The following GNB1 variants were observed in gnomAD, a reference collection of about 807,000 sequenced individuals.
GNB1 encodes guanine nucleotide-binding protein G(I)/G(S)/G(T) subunit beta-1.
Under a neutral mutation model 42.9 loss-of-function variants are expected in GNB1, and 2 were observed. The ratio of observed to expected loss-of-function variants is 0.05; its 90% CI spans 0.02 to 0.15. GNB1 has a LOEUF of 0.15. Ranked by LOEUF, GNB1 falls within the 10% of genes least tolerant of loss-of-function variation. GNB1 has a pLI of 1.00. For missense variants in GNB1, 193 were observed against 462.2 expected (o/e 0.42, Z 5.34); for synonymous variants, 183 against 174.7 (o/e 1.05, Z -0.38).
At chr1:1,859,796 G>C (rs1648518823) in intron 1 of GNB1, among the ~76,000 whole-genome samples, 1 of 151,478 alleles carries the variant, frequency 6.6e-6, no homozygotes, top group African/African-American at 2.4e-5. Flanking sequence ...AAATCAGGAG[G>C]TCAGGAGATC....
intron 2 of GNB1, among the ~76,000 whole-genome samples, chr1:1,828,201 A>G (rs574681947): frequency 1.3e-5 from 2 of 152,096 alleles, no homozygotes; most frequent in African/African-American, 4.8e-5. Flanking sequence ...TGTGCCTGTA[A>G]TCCCAGCTAC....
chr1:1,810,101 G>C (rs1252039891), intron 5 of GNB1, among the ~76,000 whole-genome samples: 1 of 151,956 alleles, frequency 6.6e-6, no homozygotes, highest in Non-Finnish European at 1.5e-5. Flanking sequence ...TTTTGAGATG[G>C]AGTCTCGCTC....
intron 1 of GNB1, among the ~76,000 whole-genome samples, chr1:1,866,703 C>A (rs1332799007): frequency 6.6e-6 from 1 of 151,764 alleles, no homozygotes; most frequent in Non-Finnish European, 1.5e-5. Flanking sequence ...GCCTGTAATC[C>A]CAGCACTTTG....
At chr1:1,876,457 AAGAG>A (rs901462030) in intron 1 of GNB1, among the ~76,000 whole-genome samples, 1 of 150,948 alleles carries the variant, frequency 6.6e-6, no homozygotes, top group East Asian at 1.9e-4. Flanking sequence ...AGCTAAGAAA[AAGAG>A]AGAGCAAGAG....
At chr1:1,880,361 G>A (rs1649773533) in intron 1 of GNB1, among the ~76,000 whole-genome samples, 1 of 152,124 alleles carries the variant, frequency 6.6e-6, no homozygotes, top group African/African-American at 2.4e-5. Flanking sequence ...AGCGCTTTGG[G>A]AGGCCGAGGC....
chr1:1,868,990 T>C (rs1282339138), intron 1 of GNB1, among the ~76,000 whole-genome samples: 2 of 150,326 alleles, frequency 1.3e-5, no homozygotes, highest in Non-Finnish European at 3.0e-5. Context: ...CAAGACCATC[T>C]TGGCTAACAA....
intron 7 of GNB1, among the ~76,000 whole-genome samples, chr1:1,798,981 G>A (rs1200261915): frequency 2.0e-5 from 3 of 151,338 alleles, no homozygotes; most frequent in Non-Finnish European, 2.9e-5. Context: ...GTGCGGTGGC[G>A]CGATCTCGGC....
At chr1:1,883,954 T>C (rs1432544554) in intron 1 of GNB1, among the ~76,000 whole-genome samples, 2 of 151,502 alleles carry the variant, frequency 1.3e-5, no homozygotes, top group Non-Finnish European at 2.9e-5. Context: ...CATCTAATTA[T>C]AAAGTGTCCG....
chr1:1,860,877 C>T lies in GNB1; in HGVS notation c.-95-21639G>A, dbSNP rs904828853. Reference sequence around the variant, plus strand: ...GGAACTGACACTTTGGGAGGCCGAGCCGGACAGATCGCTTGAGGTCAGGAG... The same window carrying T: ...GGAACTGACACTTTGGGAGGCCGAGTCGGACAGATCGCTTGAGGTCAGGAG... On this transcript the variant is annotated intron_variant, in intron 1 of 11. Transcript: ENST00000378609. 8.6e-5 allele frequency among the ~76,000 whole-genome samples: 13 copies of T among 152,022 alleles called. 1 individual carries two copies. The highest frequency in any genetic ancestry group is 2.6e-4 in the Admixed American group (4 of 15,232).
In GNB1 at chr1:1,785,798, C is replaced by A. The variant is rs1038617204; in HGVS notation, c.*1265G>T. On this transcript the variant is annotated 3_prime_UTR_variant, in exon 12 of 12. Coordinates refer to ENST00000378609, the MANE Select transcript of GNB1 (RefSeq NM_002074.5). ...AGAATCCAACAGCAGTCGTTTGCAACAGAACTTTTTTTTTTTTAAAGAAAT... is the reference window on the plus strand; with the variant it reads ...AGAATCCAACAGCAGTCGTTTGCAAAAGAACTTTTTTTTTTTTAAAGAAAT... 2.9e-6 allele frequency: 1 copy of A among 346,694 alleles called. No homozygotes were observed. The highest frequency in any genetic ancestry group is 2.1e-5 in the African/African-American group (1 of 47,074). 21.5% of individuals were successfully genotyped at this position (346,694 alleles called of 1,614,324 possible).
At chr1:1,837,328 C>T (rs971565962) in intron 2 of GNB1, among the ~76,000 whole-genome samples, 1 of 149,864 alleles carries the variant, frequency 6.7e-6, no homozygotes, top group Non-Finnish European at 1.5e-5. Context: ...GATCTTGGCT[C>T]ACTGCAAGCT....
At chr1:1,885,868 TAAAA>T (rs79504690) in intron 1 of GNB1, among the ~76,000 whole-genome samples, 2 of 130,274 alleles carry the variant, frequency 1.5e-5, no homozygotes, top group African/African-American at 5.7e-5. Context: ...CACTTAATCT[TAAAA>T]AAAAAAAAAA....
rs574615356 is a variant in GNB1, at chr1:1,862,864, G to C, written c.-95-23626C>G. ...TTACACGTAGGCATCACACCTTGGA[G>C]ACTCTTAGAAAACACCACGGAGGAG... On this transcript the variant is annotated intron_variant, in intron 1 of 11. Transcript: ENST00000378609. 2.6e-5 allele frequency among the ~76,000 whole-genome samples: 4 copies of C among 152,304 alleles called. No homozygotes were observed. In the East Asian group the frequency reaches 7.7e-4, roughly 29 times the overall value.
At chr1:1,803,059 C>T (rs1160882782) in intron 7 of GNB1, among the ~76,000 whole-genome samples, 1 of 152,230 alleles carries the variant, frequency 6.6e-6, no homozygotes, top group Admixed American at 6.5e-5. Context: ...TGGGTGTCAA[C>T]TGTAGTACTA....
At chr1:1,792,667 T>G (rs979059453) in intron 8 of GNB1, among the ~76,000 whole-genome samples, 1 of 137,204 alleles carries the variant, frequency 7.3e-6, no homozygotes, top group Admixed American at 7.9e-5. Flanking sequence ...CACTCCACTC[T>G]AGCCTGGAGA....
At chr1:1,867,449 A>G (rs370875155) in intron 1 of GNB1, among the ~76,000 whole-genome samples, 67 of 152,276 alleles carry the variant, frequency 4.4e-4, no homozygotes, top group African/African-American at 1.3e-3. Flanking sequence ...CATGGAGCTT[A>G]TATTTTAGTG....
At chr1:1,811,237 G>A (rs1352379879) in intron 5 of GNB1, among the ~76,000 whole-genome samples, 1 of 151,524 alleles carries the variant, frequency 6.6e-6, no homozygotes. Flanking sequence ...ACAGGCACTC[G>A]CCACCACACC....
intron 5 of GNB1, among the ~76,000 whole-genome samples, chr1:1,810,708 C>T (rs569694416): frequency 5.0e-4 from 76 of 152,058 alleles, no homozygotes; most frequent in African/African-American, 1.6e-3. Flanking sequence ...CACTCTGTCA[C>T]CCAGGTTGGA....
chr1:1,822,831 T>C (rs1646950016), intron 3 of GNB1, among the ~76,000 whole-genome samples: 1 of 152,230 alleles, frequency 6.6e-6, no homozygotes, highest in African/African-American at 2.4e-5. Flanking sequence ...TTCCATCTGC[T>C]ATGAATAGAT....
Sources: allele counts gnomAD v4.1 joint callset (sites outside exome capture counted in the v4.1 genomes callset), GRCh38; gene constraint gnomAD v4.1.1; transcripts MANE v1.5; gene names NCBI Gene and HGNC (gene_info 2026-07-23, HGNC 2026-07-21).